Variants in JAZF1 observed in about 807,000 individuals in gnomAD.
The protein encoded by JAZF1 is JAZF zinc finger 1.
A neutral mutation model predicts 26.4 loss-of-function variants in JAZF1; 8 were observed. The ratio of observed to expected loss-of-function variants is 0.30; its 90% CI spans 0.18 to 0.55. JAZF1 has a LOEUF of 0.55. Among genes scored for constraint, JAZF1 ranks in the 20% least tolerant of loss-of-function variants. The pLI is 0.94. For missense variants in JAZF1, 199 were observed against 322.0 expected (o/e 0.62, Z 2.92); for synonymous variants, 126 against 122.3 (o/e 1.03, Z -0.20).
At chr7:28,171,463 G>A (rs986766334) in intron 1 of JAZF1, among the ~76,000 whole-genome samples, 22 of 152,062 alleles carry the variant, frequency 1.4e-4, no homozygotes, top group African/African-American at 4.8e-4. Flanking sequence ...CTGAAAACAC[G>A]TCTTGGGGAC....
Position 28,048,731 on chromosome 7 carries a change from T to C in JAZF1, c.116-56750A>G, listed in dbSNP as rs533304104. On this transcript the variant is annotated intron_variant, in intron 1 of 4. Transcript: ENST00000283928. Reference sequence around the variant, plus strand: ...ATGTTCATAGCAGCATTATTCATAATAGCCAAAAGGTAGAATCATCCCAAA... The same window carrying C: ...ATGTTCATAGCAGCATTATTCATAACAGCCAAAAGGTAGAATCATCCCAAA... Among the ~76,000 whole-genome samples the C allele has an allele frequency of 5.9e-5, 9 of 152,314 alleles. No homozygotes were observed. In the East Asian group the frequency reaches 1.4e-3, roughly 23 times the overall value.
chr7:28,039,209 T>G (rs949877945), intron 1 of JAZF1, among the ~76,000 whole-genome samples: 17 of 152,162 alleles, frequency 1.1e-4, no homozygotes, highest in African/African-American at 3.6e-4. Flanking sequence ...CATTCTAATG[T>G]TTTAAAAAAT....
chr7:27,856,880 G>A (rs1783268602), intron 3 of JAZF1, among the ~76,000 whole-genome samples: 1 of 152,234 alleles, frequency 6.6e-6, no homozygotes, highest in South Asian at 2.1e-4. Context: ...TGCTGATTGT[G>A]TTTACAAACC....
chr7:27,986,791 G>C (rs974713713), intron 2 of JAZF1, among the ~76,000 whole-genome samples: 5 of 152,256 alleles, frequency 3.3e-5, no homozygotes, highest in South Asian at 4.1e-4. Context: ...CAGTGCCTGG[G>C]ATTGCAGGCG....
chr7:28,107,118 C>T (rs1258754369), intron 1 of JAZF1, among the ~76,000 whole-genome samples: 1 of 152,226 alleles, frequency 6.6e-6, no homozygotes, highest in Admixed American at 6.5e-5. Context: ...TAATCTGCCA[C>T]CTGATTCTCC....
intron 2 of JAZF1, among the ~76,000 whole-genome samples, chr7:27,952,659 G>A (rs1028892920): frequency 8.5e-5 from 13 of 152,166 alleles, no homozygotes; most frequent in African/African-American, 2.2e-4. Flanking sequence ...GAAAAGGGCC[G>A]GAGAAAACTG....
chr7:28,077,207 T>G (rs1784065713), intron 1 of JAZF1, among the ~76,000 whole-genome samples: 1 of 152,168 alleles, frequency 6.6e-6, no homozygotes, highest in South Asian at 2.1e-4. Flanking sequence ...TACTCAATGT[T>G]TAGTCTCTTA....
intron 1 of JAZF1, among the ~76,000 whole-genome samples, chr7:28,030,797 A>G (rs1328572386): frequency 6.6e-6 from 1 of 152,224 alleles, no homozygotes; most frequent in African/African-American, 2.4e-5. Context: ...AGAGAGAAAA[A>G]TGAAAGTTTT....
At chr7:28,101,422 G>A (rs1422722346) in intron 1 of JAZF1, among the ~76,000 whole-genome samples, 1 of 151,962 alleles carries the variant, frequency 6.6e-6, no homozygotes, top group Non-Finnish European at 1.5e-5. Context: ...GGGCTGAAAG[G>A]GAATCACAGA....
intron 3 of JAZF1, among the ~76,000 whole-genome samples, chr7:27,873,895 ACT>A (rs1304340761): frequency 6.6e-6 from 1 of 152,094 alleles, no homozygotes; most frequent in East Asian, 1.9e-4. Context: ...AGACTGAGAC[ACT>A]CTGATGCAAT....
intron 1 of JAZF1, among the ~76,000 whole-genome samples, chr7:28,127,597 TA>T (rs1782718085): frequency 6.6e-6 from 1 of 151,862 alleles, no homozygotes; most frequent in Non-Finnish European, 1.5e-5. Context: ...AAAGCAGAGA[TA>T]AATGTCAAAA....
chr7:27,956,410 TC>T (rs1785093857), intron 2 of JAZF1, among the ~76,000 whole-genome samples: 1 of 152,200 alleles, frequency 6.6e-6, no homozygotes, highest in South Asian at 2.1e-4. Flanking sequence ...ACCCAGGCAT[TC>T]CGAAGATTTT....
chr7:28,104,875 A>G (rs1784527242), intron 1 of JAZF1, among the ~76,000 whole-genome samples: 1 of 152,230 alleles, frequency 6.6e-6, no homozygotes, highest in African/African-American at 2.4e-5. Context: ...TTTACTGTGC[A>G]TCAGAAATAG....
At chr7:27,929,135 A>G (rs1784643632) in intron 2 of JAZF1, among the ~76,000 whole-genome samples, 2 of 152,218 alleles carry the variant, frequency 1.3e-5, no homozygotes, top group South Asian at 4.1e-4. Flanking sequence ...CTTCAAAACT[A>G]ATAAATAAAG....
chr7:27,888,227 C>T (rs1255089676), intron 3 of JAZF1, among the ~76,000 whole-genome samples: 1 of 152,182 alleles, frequency 6.6e-6, no homozygotes, highest in Admixed American at 6.5e-5. Flanking sequence ...AAATCACAGC[C>T]TCAGGAATTC....
intron 1 of JAZF1, among the ~76,000 whole-genome samples, chr7:28,138,584 T>C (rs1782919677): frequency 6.6e-6 from 1 of 152,186 alleles, no homozygotes; most frequent in Non-Finnish European, 1.5e-5. Flanking sequence ...TAAAGACACT[T>C]TTCAAAGAGA....
intron 1 of JAZF1, among the ~76,000 whole-genome samples, chr7:28,173,407 A>T (rs1410767829): frequency 4.6e-5 from 7 of 152,238 alleles, no homozygotes; most frequent in African/African-American, 1.4e-4. Flanking sequence ...ATATACACAC[A>T]TAAATATATA....
intron 1 of JAZF1, among the ~76,000 whole-genome samples, chr7:28,121,701 G>T (rs969859619): frequency 6.6e-6 from 1 of 152,210 alleles, no homozygotes; most frequent in Non-Finnish European, 1.5e-5. Flanking sequence ...TGTCTCATAT[G>T]TTTGTACATT....
intron 1 of JAZF1, among the ~76,000 whole-genome samples, chr7:28,142,618 G>GACATCAAGTAT (rs1782974159): frequency 1.3e-5 from 2 of 152,212 alleles, no homozygotes; most frequent in Non-Finnish European, 2.9e-5. Flanking sequence ...GCTGCAGTAA[G>GACATCAAGTAT]ACATCAAGTA....
Sources: gnomAD v4.1 joint callset for allele counts (sites outside exome capture counted in the v4.1 genomes callset) on GRCh38, gnomAD v4.1.1 for gene constraint, MANE v1.5 for transcripts, NCBI Gene and HGNC (gene_info 2026-07-23, HGNC 2026-07-21) for gene names.